The following CHD8 variants were observed in gnomAD, a reference collection of about 807,000 sequenced individuals.
CHD8 encodes ATP-dependent chromatin remodeler CHD8.
CHD8 carries 31 observed loss-of-function variants against 279.2 expected under a neutral mutation model. The observed-to-expected ratio is 0.11, with a 90% CI of 0.08 to 0.15. The LOEUF (loss-of-function observed/expected upper bound fraction) is 0.15. Ranked by LOEUF, CHD8 falls within the 10% of genes least tolerant of loss-of-function variation. The pLI is 1.00. For synonymous variants in CHD8, 1,081 were observed against 1,139.6 expected (o/e 0.95, Z 1.04); for missense variants, 2,146 against 3,230.5 (o/e 0.66, Z 8.14).
chr14:21,427,976 G>A lies in CHD8; in HGVS notation c.1494C>T (p.Gly498=), dbSNP rs774169675. ...CACTCTTCTTCCTGCGTTTCTTCTC[G>A]CCTTCCTCCTCTGGCCGAACGCTGG... ...ELPSVRPEEE[G]EKKRRKKSAG... is the part of the protein sequence containing the mutation. Residue 498 remains glycine, a synonymous_variant, in exon 4 of 38, where the codon GGC becomes GGT. Coordinates refer to ENST00000646647, the MANE Select transcript of CHD8 (RefSeq NM_001170629.2). 1.7e-5 allele frequency: 27 copies of A among 1,613,760 alleles called. No individual in the cohort carries two copies. The African/African-American group carries it at 2.3e-4, about 14-fold the overall frequency.
chr14:21,419,635 A>G, intron 5 of CHD8: 1 of 196,444 alleles, frequency 5.1e-6, no homozygotes. Flanking sequence ...TAGGGACAGC[A>G]ACTGCAGCCA....
At chr14:21,406,661 G>C (rs571652994) in intron 14 of CHD8, among the ~76,000 whole-genome samples, 195 bp downstream of exon 14, 53 of 152,210 alleles carry the variant, frequency 3.5e-4, no homozygotes, top group African/African-American at 1.2e-3. Context: ...TCCTCTTCTG[G>C]TTATCACTAA....
intron 37 of CHD8, among the ~76,000 whole-genome samples, chr14:21,389,145 C>T (rs1304186892): frequency 6.6e-6 from 1 of 151,784 alleles, no homozygotes; most frequent in South Asian, 2.1e-4. Context: ...ACTAAAAATA[C>T]AGAAATTAGC....
intron 1 of CHD8, among the ~76,000 whole-genome samples, chr14:21,451,123 AT>A (rs769545492): frequency 2.6e-5 from 4 of 152,220 alleles, no homozygotes; most frequent in Admixed American, 6.5e-5. Context: ...ATAACAGTAA[AT>A]CATAGTTCTG....
chr14:21,409,201 T>C (rs1888377599), intron 11 of CHD8, among the ~76,000 whole-genome samples: 1 of 152,212 alleles, frequency 6.6e-6, no homozygotes, highest in Non-Finnish European at 1.5e-5. Flanking sequence ...AGCTCTAAAA[T>C]GTTTTATTGG....
At position 21,409,844 on chromosome 14, in the gene CHD8, T is replaced by C. The variant is rs1251716148; in HGVS notation, c.2364+7A>G. On this transcript the variant is annotated splice_region_variant and intron_variant, in intron 11 of 37. Transcript: ENST00000646647. ...AGGCCTTTATACTTTAATGCAAATGTACTTACCACCCTTTTGAGTTCTGGG... is the reference window on the plus strand; with the variant it reads ...AGGCCTTTATACTTTAATGCAAATGCACTTACCACCCTTTTGAGTTCTGGG... The C allele has an allele frequency of 6.2e-7, 1 of 1,612,296 alleles. No individual in the cohort carries two copies. The highest frequency in any genetic ancestry group is 2.2e-5 in the East Asian group (1 of 44,862).
intron 34 of CHD8, 144 bp from the exon 35 acceptor site, chr14:21,392,090 T>G: frequency 1.3e-6 from 1 of 770,304 alleles, no homozygotes; most frequent in Non-Finnish European, 2.4e-6. Context: ...AGGGTAAAAT[T>G]AGAAATACAA....
intron 27 of CHD8, chr14:21,397,269 T>A: frequency 2.0e-6 from 1 of 508,760 alleles, no homozygotes; most frequent in South Asian, 1.4e-5. Context: ...GGGGAGGTAT[T>A]CATTAAGCCA....
At position 21,439,825 on chromosome 14, in the gene CHD8, G is replaced by A. The variant is rs142823270; in HGVS notation, c.-215-7967C>T. On this transcript the variant is annotated intron_variant, in intron 1 of 37. Transcript: ENST00000646647. ...CAAAAAAAGACAAATTACTATTGTCGTATTTTTTCTAATCTGAGCCTAATA... is the reference window on the plus strand; with the variant it reads ...CAAAAAAAGACAAATTACTATTGTCATATTTTTTCTAATCTGAGCCTAATA... Among the ~76,000 whole-genome samples, 304 of 152,204 alleles carry A rather than the reference G, an allele frequency of 2.0e-3. 6 individuals carry two copies. Among genetic ancestry groups the A allele is most frequent in the Admixed American group, 0.015 (237 of 15,294 alleles).
chr14:21,411,010 G>A (rs2139487005), intron 10 of CHD8, among the ~76,000 whole-genome samples: 1 of 152,256 alleles, frequency 6.6e-6, no homozygotes, highest in Middle Eastern at 3.4e-3. Flanking sequence ...GGGAAAATGG[G>A]TATATAGAAT....
In CHD8 at chr14:21,391,820, C is replaced by A; in HGVS notation, c.6885+13G>T. On this transcript the variant is annotated intron_variant, in intron 35 of 37. Transcript: ENST00000646647. The stretch of plus-strand genomic sequence containing the variant: ...ATCTAATCGTCAGGTTAAAGACTTT[C>A]TCTACCACTCACCTCTACTAGCTTC... 2 of 1,590,652 alleles carry A rather than the reference C, an allele frequency of 1.3e-6. No individual in the cohort carries two copies. The highest frequency in any genetic ancestry group is 1.7e-6 in the Non-Finnish European group (2 of 1,158,574).
intron 1 of CHD8, among the ~76,000 whole-genome samples, chr14:21,450,391 T>C (rs1210702562): frequency 2.6e-5 from 4 of 152,208 alleles, no homozygotes; most frequent in Middle Eastern, 3.4e-3. Flanking sequence ...CCCAAAGATA[T>C]AGTGCATCCC....
intron 1 of CHD8, chr14:21,437,340 G>T: frequency 1.0e-6 from 1 of 978,264 alleles, no homozygotes; most frequent in East Asian, 7.9e-5. Flanking sequence ...AAGGCGAAAA[G>T]ACGCAAAACA....
At chr14:21,394,606 A>G in intron 30 of CHD8, 121 bp from the exon 31 acceptor site, 1 of 75,982 alleles carries the variant, frequency 1.3e-5, no homozygotes, top group Admixed American at 4.7e-4. Context: ...AAGTAGACGC[A>G]AAAAAAAAAA....
chr14:21,409,425 T>C (rs745433363), intron 11 of CHD8, among the ~76,000 whole-genome samples: 38 of 152,350 alleles, frequency 2.5e-4, no homozygotes, highest in Non-Finnish European at 2.8e-4. Context: ...TAGCAATATA[T>C]GGACCTTACT....
At chr14:21,424,345 CTG>C in intron 5 of CHD8, among the ~76,000 whole-genome samples, 1 of 152,270 alleles carries the variant, frequency 6.6e-6, no homozygotes, top group Admixed American at 6.5e-5. Flanking sequence ...CTAAGCTCTA[CTG>C]TGTTTTATTA....
At position 21,434,115 on chromosome 14, in the gene CHD8, G is replaced by A. The variant is rs374876203; in HGVS notation, c.-215-2257C>T. Among the ~76,000 whole-genome samples, 63 of 146,940 alleles carry A rather than the reference G, an allele frequency of 4.3e-4. No individual in the cohort carries two copies. In the East Asian group the frequency reaches 8.6e-3, roughly 20 times the overall value. On this transcript the variant is annotated intron_variant, in intron 1 of 37. Transcript: ENST00000646647. ...GGCTGGAGTGCAATGGCGCGATCTC[G>A]GCTCACCGCAACCTCTACCTCCTGG...
Position 21,436,412 on chromosome 14 carries a change from T to C in CHD8, c.-215-4554A>G, listed in dbSNP as rs181234828. On this transcript the variant is annotated intron_variant, in intron 1 of 37. Coordinates refer to ENST00000646647, the MANE Select transcript of CHD8 (RefSeq NM_001170629.2). ...ATTTTAAAACTGTACCATGAAGACA[T>C]TCGTGAGACACGAAGGGTCTCAAAT... Among the ~76,000 whole-genome samples, 6 of 152,300 alleles carry C rather than the reference T, an allele frequency of 3.9e-5. No homozygotes were observed. In the East Asian group the frequency reaches 1.2e-3, roughly 29 times the overall value.
intron 1 of CHD8, among the ~76,000 whole-genome samples, chr14:21,452,177 C>T (rs534606074): frequency 6.6e-6 from 1 of 152,174 alleles, no homozygotes; most frequent in East Asian, 2.0e-4. Context: ...AGTAGCTGGG[C>T]CTACAGGACC....
Sources: gnomAD v4.1 joint callset for allele counts (sites outside exome capture counted in the v4.1 genomes callset) on GRCh38, gnomAD v4.1.1 for gene constraint, MANE v1.5 for transcripts, NCBI Gene and HGNC (gene_info 2026-07-23, HGNC 2026-07-21) for gene names.